MACROH2A2: variants seen among roughly 807,000 people sequenced by gnomAD.
The protein encoded by MACROH2A2 is core histone macro-H2A.2.
MACROH2A2 carries 6 observed loss-of-function variants against 37.6 expected under a neutral mutation model. That is an observed-to-expected ratio of 0.16 (90% CI 0.09 to 0.32). The LOEUF is 0.32. Ranked by LOEUF, MACROH2A2 falls within the 10% of genes least tolerant of loss-of-function variation. The pLI, the probability that MACROH2A2 is intolerant of heterozygous loss-of-function variation, is 1.00. For synonymous variants in MACROH2A2, 192 were observed against 202.7 expected (o/e 0.95, Z 0.45); for missense variants, 290 against 485.9 (o/e 0.60, Z 3.79).
At chr10:70,106,253 A>T (rs1376886034) in intron 7 of MACROH2A2, among the ~76,000 whole-genome samples, 2 of 152,194 alleles carry the variant, frequency 1.3e-5, no homozygotes, top group East Asian at 3.8e-4. Flanking sequence ...CACATTAGGT[A>T]AGAGAATGCC....
Position 70,092,527 on chromosome 10 carries a change from C to T in MACROH2A2, c.477+573C>T, listed in dbSNP as rs186618600. On this transcript the variant is annotated intron_variant, in intron 4 of 8. Coordinates refer to ENST00000373255, the MANE Select transcript of MACROH2A2 (RefSeq NM_018649.3). ...AGAGCAGCCCAGGCAGACACTAAGA[C>T]GCTCACAGAACAGGAGGGAAGTTTA... Among the ~76,000 whole-genome samples, 138 of 152,272 alleles carry T rather than the reference C, an allele frequency of 9.1e-4. 1 individual carries two copies. Among genetic ancestry groups the T allele is most frequent in the South Asian group, 6.2e-3 (30 of 4,828 alleles).
intron 1 of MACROH2A2, among the ~76,000 whole-genome samples, chr10:70,072,526 C>T (rs148119818): frequency 0.013 from 1,950 of 152,232 alleles, 25 homozygotes; most frequent in Non-Finnish European, 0.019. Flanking sequence ...CCAGTAACAT[C>T]GTCATTTGTT....
intron 1 of MACROH2A2, among the ~76,000 whole-genome samples, chr10:70,069,659 G>A (rs1471074035): frequency 1.3e-5 from 2 of 152,098 alleles, no homozygotes; most frequent in Non-Finnish European, 2.9e-5. Flanking sequence ...TAATCAGAGG[G>A]AAATTGTCTT....
At chr10:70,103,130 A>C (rs761387026) in intron 7 of MACROH2A2, among the ~76,000 whole-genome samples, 7 of 152,184 alleles carry the variant, frequency 4.6e-5, no homozygotes, top group Non-Finnish European at 1.0e-4. Context: ...TTTCTAGGGT[A>C]GCAGAAGGGA....
chr10:70,078,709 A>C (rs996306913), intron 2 of MACROH2A2, among the ~76,000 whole-genome samples: 1 of 152,218 alleles, frequency 6.6e-6, no homozygotes, highest in African/African-American at 2.4e-5. Context: ...ACAAAGTATA[A>C]ATGACTAATT....
chr10:70,057,318 C>A (rs897957738), intron 1 of MACROH2A2, among the ~76,000 whole-genome samples: 3 of 149,900 alleles, frequency 2.0e-5, no homozygotes, highest in Non-Finnish European at 4.4e-5. Context: ...ACGTTCCCTT[C>A]CAAGCCATTC....
intron 1 of MACROH2A2, among the ~76,000 whole-genome samples, chr10:70,069,535 C>T (rs1325229814): frequency 6.6e-6 from 1 of 152,028 alleles, no homozygotes; most frequent in East Asian, 1.9e-4. Context: ...TGAACAGAGC[C>T]ACGTGGCCTC....
At chr10:70,065,540 T>C (rs2072074438) in intron 1 of MACROH2A2, among the ~76,000 whole-genome samples, 1 of 152,142 alleles carries the variant, frequency 6.6e-6, no homozygotes, top group African/African-American at 2.4e-5. Flanking sequence ...TTCTAATTAG[T>C]TTCAGAGAGA....
At chr10:70,073,645 G>A (rs7909843) in intron 1 of MACROH2A2, among the ~76,000 whole-genome samples, 4,261 of 152,284 alleles carry the variant, frequency 0.028, 87 homozygotes, top group Non-Finnish European at 0.039. Context: ...CTCGGGGACA[G>A]GTGAGAGTTG....
At chr10:70,104,843 C>G (rs923231792) in intron 7 of MACROH2A2, among the ~76,000 whole-genome samples, 4 of 152,286 alleles carry the variant, frequency 2.6e-5, no homozygotes, top group East Asian at 1.9e-4. Context: ...TGGAAGAACT[C>G]AGCTCCAGGC....
chr10:70,062,771 T>A (rs1225932970), intron 1 of MACROH2A2, among the ~76,000 whole-genome samples: 3 of 152,144 alleles, frequency 2.0e-5, no homozygotes, highest in African/African-American at 7.2e-5. Flanking sequence ...TAGAAAAAAA[T>A]GGTCATTTAA....
chr10:70,087,835 G>A (rs1477960665), intron 2 of MACROH2A2, among the ~76,000 whole-genome samples: 3 of 152,188 alleles, frequency 2.0e-5, no homozygotes, highest in South Asian at 2.1e-4. Flanking sequence ...ATGAATTTGC[G>A]GTGATTCAGC....
In MACROH2A2 at chr10:70,075,870, C is replaced by G. The variant is rs779376137; in HGVS notation, c.172+40C>G. ...CAAAGGAGGCTGCCTGCTCCCAGGT[C>G]CCCACCCTCCCCTGGGTCCCCCTCG... On this transcript the variant is annotated intron_variant, in intron 2 of 8. Coordinates refer to ENST00000373255, the MANE Select transcript of MACROH2A2 (RefSeq NM_018649.3). This position sits in a 1 kb window ranked among gnomAD's most constrained non-coding sequence, Gnocchi z 5.0. 6.5e-7 allele frequency: 1 copy of G among 1,544,588 alleles called. No homozygotes were observed. The highest frequency in any genetic ancestry group is 8.9e-7 in the Non-Finnish European group (1 of 1,126,042).
chr10:70,079,554 C>CGT (rs2072161347), intron 2 of MACROH2A2, among the ~76,000 whole-genome samples: 1 of 107,346 alleles, frequency 9.3e-6, no homozygotes, highest in African/African-American at 4.3e-5. Context: ...TGAGGGTTCG[C>CGT]GCGCGCGCGC....
Position 70,075,706 on chromosome 10 carries a change from A to G in MACROH2A2, c.48A>G (p.Ser16=), listed in dbSNP as rs1288412270. 6.2e-7 allele frequency: 1 copy of G among 1,614,210 alleles called. No individual in the cohort carries two copies. Among genetic ancestry groups the G allele is most frequent in the South Asian group, 1.1e-5 (1 of 91,088 alleles). The stretch of plus-strand genomic sequence containing the variant: ...AGAAAATGTCCAAGCTGTCCCGTTC[A>G]GCTAGGGCAGGTGTCATCTTTCCAG... The part of the protein sequence containing the change: ...GKKKMSKLSR[S]ARAGVIFPVG... Residue 16 remains serine, a synonymous_variant, in exon 2 of 9, where the codon TCA becomes TCG. Coordinates refer to ENST00000373255, the MANE Select transcript of MACROH2A2 (RefSeq NM_018649.3). The surrounding 1 kb of genome is among the most constrained non-coding windows in gnomAD (Gnocchi z 5.0).
rs759639315 is a variant in MACROH2A2 at position 70,075,626 on chromosome 10, G to C, written c.-33G>C. The C allele has an allele frequency of 6.2e-7, 1 of 1,607,474 alleles. No homozygotes were observed. The highest frequency in any genetic ancestry group is 8.5e-7 in the Non-Finnish European group (1 of 1,174,256). ...ATTGTGTTAGTGCCGGGAGGCCACTGTGTCAGCAAGCTGAGAGGGAAACTG... is the reference window on the plus strand; with the variant it reads ...ATTGTGTTAGTGCCGGGAGGCCACTCTGTCAGCAAGCTGAGAGGGAAACTG... On this transcript the variant is annotated 5_prime_UTR_variant, in exon 2 of 9. Transcript: ENST00000373255. This position sits in a 1 kb window ranked among gnomAD's most constrained non-coding sequence, Gnocchi z 5.0.
At chr10:70,085,546 C>T (rs533485350) in intron 2 of MACROH2A2, among the ~76,000 whole-genome samples, 4 of 152,188 alleles carry the variant, frequency 2.6e-5, no homozygotes, top group Non-Finnish European at 4.4e-5. Flanking sequence ...TGCTATTTCC[C>T]ATCTTCTGTG....
chr10:70,095,626 C>T (rs755994652), intron 5 of MACROH2A2, 28 bp from the exon 6 acceptor site: 35 of 1,021,666 alleles, frequency 3.4e-5, no homozygotes, highest in Non-Finnish European at 5.2e-5. Flanking sequence ...ATCTTTTCCA[C>T]ATTCACCACC....
At chr10:70,062,592 A>G (rs1468667604) in intron 1 of MACROH2A2, among the ~76,000 whole-genome samples, 1 of 152,236 alleles carries the variant, frequency 6.6e-6, no homozygotes, top group East Asian at 1.9e-4. Flanking sequence ...ATGATCTCGA[A>G]AGAGTGCTTT....
Sources: allele counts gnomAD v4.1 joint callset (sites outside exome capture counted in the v4.1 genomes callset), GRCh38; gene constraint gnomAD v4.1.1; non-coding constraint Gnocchi (gnomAD v3.1); transcripts MANE v1.5; gene names NCBI Gene and HGNC (gene_info 2026-07-23, HGNC 2026-07-21).